CEP290: variants seen among roughly 807,000 people sequenced by gnomAD.
CEP290 encodes centrosomal protein 290, also known as centrosomal protein of 290 kDa.
In CEP290, 317 loss-of-function variants were observed where a neutral mutation model predicts 344.9. The observed-to-expected ratio is 0.92, with a 90% CI of 0.84 to 1.01. The LOEUF is 1.01. Ranked by LOEUF, CEP290 falls within the 50% of genes least tolerant of loss-of-function variation. CEP290 has a pLI of 0.00. For synonymous variants in CEP290, 932 were observed against 895.8 expected (o/e 1.04, Z -0.72); for missense variants, 2,754 against 2,761.4 (o/e 1.00, Z 0.06).
rs777450065 is a variant in CEP290, at chr12:88,080,340, A to T, written c.5068T>A (p.Leu1690Ile). 1 of 1,613,592 alleles carries T rather than the reference A, an allele frequency of 6.2e-7. No homozygotes were observed. Reference sequence around the variant, plus strand: ...TGTGACTGGTCCAGAAGATACTTTAAATCCTCTACTTCCGCTTTTACTTTT... The same window carrying T: ...TGTGACTGGTCCAGAAGATACTTTATATCCTCTACTTCCGCTTTTACTTTT... ...VKKVKAEVED[L>I]KYLLDQSQKE... Residue 1690 changes from leucine (L) to isoleucine (I), a missense_variant, in exon 38 of 54, where the codon TTA becomes ATA. Transcript: ENST00000552810.
chr12:88,062,918 A>C, intron 45 of CEP290, 140 bp from the exon 46 acceptor site: 1 of 586,692 alleles, frequency 1.7e-6, no homozygotes, highest in Non-Finnish European at 3.0e-6. Flanking sequence ...TTAACAAGGA[A>C]GATTTTGAAC....
At chr12:88,066,890 A>G (rs937899303) in intron 44 of CEP290, among the ~76,000 whole-genome samples, 1 of 152,174 alleles carries the variant, frequency 6.6e-6, no homozygotes, top group Non-Finnish European at 1.5e-5. Context: ...CCTGCCTCCC[A>G]AAGTGATTAA....
chr12:88,132,020 C>T (rs982731844), intron 6 of CEP290, among the ~76,000 whole-genome samples: 3 of 152,188 alleles, frequency 2.0e-5, no homozygotes, highest in African/African-American at 7.2e-5. Flanking sequence ...AGTTACTTAA[C>T]ATCTCTTTAA....
chr12:88,124,539 A>G (rs2039611960), intron 13 of CEP290, among the ~76,000 whole-genome samples: 1 of 152,144 alleles, frequency 6.6e-6, no homozygotes, highest in Non-Finnish European at 1.5e-5. Flanking sequence ...ATACAAATAT[A>G]TATATATACA....
At chr12:88,100,858 A>G (rs1390436324) in intron 26 of CEP290, among the ~76,000 whole-genome samples, 1 of 152,206 alleles carries the variant, frequency 6.6e-6, no homozygotes, top group Non-Finnish European at 1.5e-5. Context: ...ATGGTTCCCT[A>G]TATATAGAAA....
chr12:88,063,293 A>T (rs1183339609), intron 45 of CEP290, among the ~76,000 whole-genome samples: 1 of 152,084 alleles, frequency 6.6e-6, no homozygotes, highest in Non-Finnish European at 1.5e-5. Flanking sequence ...TAGAAAACAA[A>T]ACTGAAGCAA....
chr12:88,120,196 T>G lies in CEP290; in HGVS notation c.1440A>C (p.Glu480Asp), dbSNP rs777299440. 2 of 1,520,668 alleles carry G rather than the reference T, an allele frequency of 1.3e-6. No homozygotes were observed. Among genetic ancestry groups the G allele is most frequent in the South Asian group, 2.6e-5 (2 of 76,800 alleles). The allele number at this position is 1,520,668 out of a possible 1,614,324, so 94.2% of individuals were successfully genotyped here. Residue 480 changes from glutamate (E) to aspartate (D), a missense_variant, in exon 15 of 54, where the codon GAA becomes GAC. Physicochemically the swap from Glu to Asp is conservative, Grantham distance 45. Coordinates refer to ENST00000552810, the MANE Select transcript of CEP290 (RefSeq NM_025114.4). ...NQIKIRDREI[E>D]ILTKEINKLE... ...GTTTATTGATTTCCTTTGTTAATAT[T>G]TCAATCTCTCGATCTCTTATTTTAA...
At chr12:88,121,941 G>A (rs1441263176) in intron 13 of CEP290, among the ~76,000 whole-genome samples, 3 of 152,046 alleles carry the variant, frequency 2.0e-5, no homozygotes, top group African/African-American at 7.2e-5. Context: ...CTTCCTAAAT[G>A]CCTACTTGTA....
At position 88,115,596 on chromosome 12, in the gene CEP290, C is replaced by T. The variant is rs2038991299; in HGVS notation, c.1825-414G>A. On this transcript the variant is annotated intron_variant, in intron 18 of 53. Transcript: ENST00000552810. ...CTAAAGAAAAATTTAATAAATTAGA[C>T]AAGTCAATGAGTTCATATCAATGTA... 4 of 1,237,406 alleles carry T rather than the reference C, an allele frequency of 3.2e-6. No individual in the cohort carries two copies. In the Admixed American group the frequency reaches 9.2e-5, roughly 28 times the overall value. The allele number at this position is 1,237,406 out of a possible 1,614,324, so 76.7% of individuals were successfully genotyped here.
intron 44 of CEP290, among the ~76,000 whole-genome samples, chr12:88,067,757 CTTTA>C (rs1165148540): frequency 2.0e-5 from 3 of 152,154 alleles, no homozygotes; most frequent in Non-Finnish European, 4.4e-5. Flanking sequence ...CGTAAATTGA[CTTTA>C]TTTATTGTTT....
intron 38 of CEP290, 116 bp downstream of exon 38, chr12:88,080,066 T>C (rs531699186): frequency 2.3e-5 from 17 of 727,802 alleles, no homozygotes; most frequent in African/African-American, 8.9e-5. Flanking sequence ...AAGCTCATAC[T>C]TTTTATTACA....
intron 46 of CEP290, among the ~76,000 whole-genome samples, chr12:88,061,689 A>C (rs753874310): frequency 1.3e-5 from 2 of 152,200 alleles, no homozygotes; most frequent in Non-Finnish European, 2.9e-5. Flanking sequence ...TTTCATAATT[A>C]ACTTAGATAG....
rs2036438170 is a variant in CEP290, at chr12:88,084,630, C to T, written c.4660G>A (p.Glu1554Lys). 6.2e-7 allele frequency: 1 copy of T among 1,613,104 alleles called. No homozygotes were observed. Among genetic ancestry groups the T allele is most frequent in the South Asian group, 1.1e-5 (1 of 91,026 alleles). Residue 1554 changes from glutamate (E) to lysine (K), a missense_variant, in exon 35 of 54, where the codon GAA becomes AAA. Transcript: ENST00000552810. ...AGACGTTGATACTTCTTTAATACTTCTTCTTTTTGATTTAACCTTGCTTGC... is the reference window on the plus strand; with the variant it reads ...AGACGTTGATACTTCTTTAATACTTTTTCTTTTTGATTTAACCTTGCTTGC... ...NMQARLNQKEEVLKKYQRLLE... is the reference protein window; with the variant it reads ...NMQARLNQKEKVLKKYQRLLE...
In CEP290 at chr12:88,141,322, C is replaced by T. The variant is rs1259460580; in HGVS notation, c.-15G>A. The T allele has an allele frequency of 6.4e-7, 1 of 1,556,250 alleles. No homozygotes were observed. The highest frequency in any genetic ancestry group is 8.8e-7 in the Non-Finnish European group (1 of 1,131,648). On this transcript the variant is annotated 5_prime_UTR_variant, in exon 2 of 54. In the 5' UTR this introduces an upstream ATG that the reference lacks. Transcript: ENST00000552810. ...TTAGGTGGCATCTTGAATTCTTTCA[C>T]TGTGCTCCACCTCTGTAACAAAACA...
intron 38 of CEP290, 96 bp from the exon 39 acceptor site, chr12:88,079,325 CTACT>C (rs908759388): frequency 2.1e-6 from 2 of 941,318 alleles, no homozygotes; most frequent in Non-Finnish European, 3.0e-6. Context: ...TTATTACTTC[CTACT>C]ATTTTTCTAA....
At chr12:88,137,792 G>A (rs536335525) in intron 5 of CEP290, among the ~76,000 whole-genome samples, 3 of 152,298 alleles carry the variant, frequency 2.0e-5, no homozygotes, top group African/African-American at 7.2e-5. Context: ...AGAAGAAGGT[G>A]TTGGTGCTTC....
intron 25 of CEP290, among the ~76,000 whole-genome samples, chr12:88,104,516 T>G (rs2038129995): frequency 6.6e-6 from 1 of 151,968 alleles, no homozygotes; most frequent in Non-Finnish European, 1.5e-5. Context: ...AGAATTAAGA[T>G]TTCTCTGATT....
At position 88,087,669 on chromosome 12, in the gene CEP290, G is replaced by A. The variant is rs189070467; in HGVS notation, c.4194+111C>T. ...CGGGAGGCAGAGCTTGCAGTGAGCCGAGATCACGCCACTGCACTCCAGTCT... is the reference window on the plus strand; with the variant it reads ...CGGGAGGCAGAGCTTGCAGTGAGCCAAGATCACGCCACTGCACTCCAGTCT... On this transcript the variant is annotated intron_variant, in intron 32 of 53. Transcript: ENST00000552810. The A allele has an allele frequency of 5.2e-5, 18 of 344,534 alleles. No individual in the cohort carries two copies. In the Admixed American group the frequency reaches 7.3e-4, roughly 14 times the overall value. The allele number at this position is 344,534 out of a possible 1,614,324, so 21.3% of individuals were successfully genotyped here.
intron 21 of CEP290, 132 bp from the exon 22 acceptor site, chr12:88,111,483 T>C (rs1415556169): frequency 1.5e-5 from 14 of 931,688 alleles, no homozygotes; most frequent in Non-Finnish European, 2.2e-5. Flanking sequence ...AATGCCTAGG[T>C]ATGAGATTTA....
Sources: gnomAD v4.1 joint callset for allele counts (sites outside exome capture counted in the v4.1 genomes callset) on GRCh38, gnomAD v4.1.1 for gene constraint, MANE v1.5 for transcripts, NCBI Gene and HGNC (gene_info 2026-07-23, HGNC 2026-07-21) for gene names.